The following PTCHD4 variants were observed in gnomAD, a reference collection of about 807,000 sequenced individuals.
The protein encoded by PTCHD4 is patched domain-containing protein 4.
A neutral mutation model predicts 58.1 loss-of-function variants in PTCHD4; 33 were observed. The observed-to-expected ratio is 0.57, with a 90% CI of 0.43 to 0.76. The LOEUF (loss-of-function observed/expected upper bound fraction) is 0.76, where lower values mean the gene tolerates loss of function less well. Among genes scored for constraint, PTCHD4 ranks in the 30% least tolerant of loss-of-function variants. PTCHD4 has a pLI of 0.00. For missense variants in PTCHD4, 1,058 were observed against 1,027.1 expected (o/e 1.03, Z -0.41); for synonymous variants, 478 against 409.6 (o/e 1.17, Z -2.02).
intron 4 of PTCHD4, among the ~76,000 whole-genome samples, chr6:47,898,010 T>G (rs2114140093): frequency 7.2e-6 from 1 of 139,732 alleles, no homozygotes; most frequent in South Asian, 2.7e-4. Context: ...AGTGGCACTA[T>G]CTTGGCTCAC....
intron 1 of PTCHD4, among the ~76,000 whole-genome samples, chr6:48,090,563 T>G (rs1765344791): frequency 6.6e-6 from 1 of 151,940 alleles, no homozygotes; most frequent in Admixed American, 6.5e-5. Context: ...AAGCCTATGA[T>G]TTTTTCTACA....
chr6:47,997,330 A>T (rs75400628), intron 4 of PTCHD4, among the ~76,000 whole-genome samples: 2 of 151,892 alleles, frequency 1.3e-5, no homozygotes, highest in South Asian at 4.2e-4. Context: ...ATTTTCCTTC[A>T]TTACTTGGCT....
At chr6:48,014,132 C>A (rs564495967) in intron 3 of PTCHD4, among the ~76,000 whole-genome samples, 21 of 152,100 alleles carry the variant, frequency 1.4e-4, no homozygotes, top group African/African-American at 4.8e-4. Context: ...TCATATTTTT[C>A]TCTATGCATC....
rs765094369 is a variant in PTCHD4, at chr6:47,870,899, GA to G, written c.*7403del. Among the ~76,000 whole-genome samples the G allele has an allele frequency of 2.6e-5, 4 of 151,502 alleles. No homozygotes were observed. The highest frequency in any genetic ancestry group is 5.9e-5 in the Non-Finnish European group (4 of 67,654). Reference sequence around the variant, plus strand: ...TAAATGAGGCTGTTTTCATGAATGGGATGAACCTATATGTAATAGAGTATTT... The same window carrying G: ...TAAATGAGGCTGTTTTCATGAATGGGTGAACCTATATGTAATAGAGTATTT... On this transcript the variant is annotated 3_prime_UTR_variant, in exon 5 of 5. Coordinates refer to ENST00000339488, the MANE Select transcript of PTCHD4 (RefSeq NM_001384253.1).
At chr6:48,105,872 C>T (rs1765707531) in intron 1 of PTCHD4, among the ~76,000 whole-genome samples, 2 of 152,126 alleles carry the variant, frequency 1.3e-5, no homozygotes, top group African/African-American at 2.4e-5. Flanking sequence ...AATTCCTTGA[C>T]ACATACACTC....
chr6:47,879,024 C>A lies in PTCHD4; in HGVS notation c.1811G>T (p.Arg604Leu). 1.2e-6 allele frequency: 2 copies of A among 1,613,428 alleles called. No homozygotes were observed. The highest frequency in any genetic ancestry group is 1.7e-4 in the Middle Eastern group (1 of 6,054). Residue 604 changes from arginine (R) to leucine (L), a missense_variant, in exon 5 of 5, where the codon CGC becomes CTC. Physicochemically the swap from Arg to Leu is moderately radical, Grantham distance 102. Coordinates refer to ENST00000339488, the MANE Select transcript of PTCHD4 (RefSeq NM_001384253.1). ...AGDESNIIAS[R>L]LYLVARTSRD... The stretch of plus-strand genomic sequence containing the variant: ...GCTAGTCCTGGCCACCAGATACAAG[C>A]GAGAAGCAATGATATTGCTTTCATC...
In PTCHD4 at chr6:47,977,860, A is replaced by G. The variant is rs1246632915; in HGVS notation, c.898+30774T>C. On this transcript the variant is annotated intron_variant, in intron 4 of 4. Transcript: ENST00000339488. ...TTAAAAGACAAAAGAAAGTGTAGATAAATCAACAAAAATCTATTTCTTTTA... is the reference window on the plus strand; with the variant it reads ...TTAAAAGACAAAAGAAAGTGTAGATGAATCAACAAAAATCTATTTCTTTTA... Among the ~76,000 whole-genome samples, 3 of 152,038 alleles carry G rather than the reference A, an allele frequency of 2.0e-5. No individual in the cohort carries two copies. The East Asian group carries it at 5.8e-4, about 29-fold the overall frequency.
rs1763879330 is a variant in PTCHD4 at position 47,877,526 on chromosome 6, T to C, written c.*777A>G. Among the ~76,000 whole-genome samples the C allele has an allele frequency of 1.3e-5, 2 of 151,924 alleles. No homozygotes were observed. The highest frequency in any genetic ancestry group is 6.6e-5 in the Admixed American group (1 of 15,222). ...CTTGTGAAGTCATCCAAAGCAAAAG[T>C]CTAGATGACTGCTGACATGATATGC... On this transcript the variant is annotated 3_prime_UTR_variant, in exon 5 of 5. Coordinates refer to ENST00000339488, the MANE Select transcript of PTCHD4 (RefSeq NM_001384253.1).
chr6:48,014,266 T>C (rs1762791948), intron 3 of PTCHD4, among the ~76,000 whole-genome samples: 1 of 152,166 alleles, frequency 6.6e-6, no homozygotes, highest in Non-Finnish European at 1.5e-5. Flanking sequence ...TACACTTTTG[T>C]ACATTATTTG....
At chr6:47,976,688 AAAT>A (rs1561987017) in intron 4 of PTCHD4, among the ~76,000 whole-genome samples, 9 of 151,012 alleles carry the variant, frequency 6.0e-5, no homozygotes, top group African/African-American at 1.5e-4. Context: ...ATAAATAAAT[AAAT>A]AAATAAAAAT....
intron 4 of PTCHD4, among the ~76,000 whole-genome samples, chr6:47,902,969 C>T (rs780510520): frequency 5.3e-5 from 8 of 152,244 alleles, no homozygotes; most frequent in Non-Finnish European, 1.0e-4. Context: ...ATAATTTAAG[C>T]AAAACTTCTC....
chr6:47,987,841 A>G (rs1768131799), intron 4 of PTCHD4, among the ~76,000 whole-genome samples: 2 of 150,082 alleles, frequency 1.3e-5, no homozygotes, highest in Non-Finnish European at 3.0e-5. Flanking sequence ...CAGTGGCGTG[A>G]TCTCAGCTTA....
chr6:48,051,318 C>A (rs887011976), intron 3 of PTCHD4, among the ~76,000 whole-genome samples: 8 of 151,896 alleles, frequency 5.3e-5, no homozygotes, highest in African/African-American at 1.9e-4. Flanking sequence ...GTTCTTAGTC[C>A]TTATTAAAAA....
intron 1 of PTCHD4, among the ~76,000 whole-genome samples, chr6:48,070,155 G>GTGTGTA (rs1554180455): frequency 5.7e-4 from 57 of 100,314 alleles, no homozygotes; most frequent in Middle Eastern, 4.5e-3. Context: ...GTGTGTGTGT[G>GTGTGTA]TATATATATA....
At chr6:47,961,363 C>T (rs1046403736) in intron 4 of PTCHD4, among the ~76,000 whole-genome samples, 3 of 151,810 alleles carry the variant, frequency 2.0e-5, no homozygotes, top group African/African-American at 7.2e-5. Flanking sequence ...GTGATCTCGG[C>T]TTACTGCAAC....
At chr6:47,977,485 C>T (rs1447273250) in intron 4 of PTCHD4, among the ~76,000 whole-genome samples, 1 of 152,142 alleles carries the variant, frequency 6.6e-6, no homozygotes, top group African/African-American at 2.4e-5. Flanking sequence ...CAACAGCCTG[C>T]AAGGAACTGA....
At chr6:47,954,455 C>A (rs921404046) in intron 4 of PTCHD4, among the ~76,000 whole-genome samples, 3 of 152,122 alleles carry the variant, frequency 2.0e-5, no homozygotes, top group Non-Finnish European at 4.4e-5. Flanking sequence ...ATATTAAGTG[C>A]CTGTTCTGTG....
chr6:48,110,864 T>C (rs967577402), intron 1 of PTCHD4, among the ~76,000 whole-genome samples, 185 bp downstream of exon 1: 2 of 150,018 alleles, frequency 1.3e-5, no homozygotes. Flanking sequence ...GTCTTTTTAC[T>C]TTACTTAAGA....
At chr6:47,998,206 A>G (rs1380234962) in intron 4 of PTCHD4, among the ~76,000 whole-genome samples, 3 of 152,072 alleles carry the variant, frequency 2.0e-5, no homozygotes, top group Non-Finnish European at 4.4e-5. Context: ...TTTGATAGAC[A>G]TGTATTTGAG....
Sources: gnomAD v4.1 joint callset for allele counts (sites outside exome capture counted in the v4.1 genomes callset) on GRCh38, gnomAD v4.1.1 for gene constraint, MANE v1.5 for transcripts, NCBI Gene and HGNC (gene_info 2026-07-23, HGNC 2026-07-21) for gene names.